ZBTB2: variants seen among roughly 807,000 people sequenced by gnomAD.
ZBTB2 encodes the protein zinc finger and BTB domain containing 2, also known as zinc finger and BTB domain-containing protein 2.
A neutral mutation model predicts 39.5 loss-of-function variants in ZBTB2; 2 were observed. The observed-to-expected ratio is 0.05, with a 90% CI of 0.02 to 0.16. The LOEUF (loss-of-function observed/expected upper bound fraction) is 0.16, where lower values mean the gene tolerates loss of function less well. ZBTB2 is among the 10% of genes least tolerant of loss of function. The pLI, the probability that ZBTB2 is intolerant of heterozygous loss-of-function variation, is 1.00. For synonymous variants in ZBTB2, 251 were observed against 256.6 expected (o/e 0.98, Z 0.21); for missense variants, 391 against 653.0 (o/e 0.60, Z 4.37).
intron 1 of ZBTB2, among the ~76,000 whole-genome samples, chr6:151,377,721 T>G (rs550778854): frequency 2.6e-5 from 4 of 151,898 alleles, no homozygotes; most frequent in African/African-American, 9.7e-5. Flanking sequence ...TTAGTAGAGA[T>G]GGGGTTTCAC....
chr6:151,366,929 C>A lies in ZBTB2; in HGVS notation c.174-37G>T. 6.4e-7 allele frequency: 1 copy of A among 1,562,794 alleles called. No homozygotes were observed. The highest frequency in any genetic ancestry group is 1.2e-5 in the South Asian group (1 of 82,978). ...AAGTAAAAAAATACGTGAGTAAATG[C>A]CAGTCTAGGTGTTAACATAAAGCCT... On this transcript the variant is annotated intron_variant, in intron 2 of 2. Coordinates refer to ENST00000325144, the MANE Select transcript of ZBTB2 (RefSeq NM_020861.3). This position sits in a 1 kb window ranked among gnomAD's most constrained non-coding sequence, Gnocchi z 7.1.
intron 1 of ZBTB2, among the ~76,000 whole-genome samples, chr6:151,376,397 A>C (rs1160939171): frequency 6.6e-6 from 1 of 152,214 alleles, no homozygotes; most frequent in Admixed American, 6.5e-5. Context: ...GAGGATGAAA[A>C]CACAAGCTCA....
intron 1 of ZBTB2, among the ~76,000 whole-genome samples, chr6:151,382,744 C>T (rs151057582): frequency 0.014 from 2,081 of 148,874 alleles, 45 homozygotes; most frequent in African/African-American, 0.048. Context: ...TTAGTAGAGA[C>T]GGGATTTTAC....
At chr6:151,379,637 G>GAAA (rs61085296) in intron 1 of ZBTB2, among the ~76,000 whole-genome samples, 7 of 65,898 alleles carry the variant, frequency 1.1e-4, no homozygotes, top group African/African-American at 2.2e-4. Flanking sequence ...GACCCTGTCT[G>GAAA]AAAAAAAAAA....
chr6:151,377,696 T>C (rs1375341894), intron 1 of ZBTB2, among the ~76,000 whole-genome samples: 1 of 151,860 alleles, frequency 6.6e-6, no homozygotes, highest in African/African-American at 2.4e-5. Context: ...CCCACCACCA[T>C]GCCCAGCTTA....
intron 1 of ZBTB2, among the ~76,000 whole-genome samples, chr6:151,390,299 G>T (rs1379476967): frequency 6.9e-6 from 1 of 144,526 alleles, no homozygotes; most frequent in South Asian, 2.2e-4. Flanking sequence ...CGGGGCCGGG[G>T]GCGCGGCGCC....
At chr6:151,374,952 A>AC (rs1778874193) in intron 1 of ZBTB2, among the ~76,000 whole-genome samples, 4 of 150,106 alleles carry the variant, frequency 2.7e-5, no homozygotes, top group South Asian at 2.1e-4. Context: ...AAAAAAAAAA[A>AC]AACAACAAAA....
At chr6:151,377,798 T>C (rs1204801954) in intron 1 of ZBTB2, among the ~76,000 whole-genome samples, 9 of 152,010 alleles carry the variant, frequency 5.9e-5, no homozygotes, top group African/African-American at 1.9e-4. Context: ...CCTCCCAAAG[T>C]GCTGGGATTA....
At chr6:151,390,819 C>A (rs1466514586) in intron 1 of ZBTB2, among the ~76,000 whole-genome samples, 3 of 150,048 alleles carry the variant, frequency 2.0e-5, no homozygotes, top group Non-Finnish European at 4.5e-5. Flanking sequence ...GGCCTTGCCG[C>A]CGAAGCAGCA....
Position 151,365,444 on chromosome 6 carries a change from C to G in ZBTB2, c.*77G>C, listed in dbSNP as rs894281054. 13 of 1,496,394 alleles carry G rather than the reference C, an allele frequency of 8.7e-6. No individual in the cohort carries two copies. Among genetic ancestry groups the G allele is most frequent in the Non-Finnish European group, 1.1e-5 (12 of 1,112,134 alleles). The allele number at this position is 1,496,394 out of a possible 1,614,324, so 92.7% of individuals were successfully genotyped here. On this transcript the variant is annotated 3_prime_UTR_variant, in exon 3 of 3. Transcript: ENST00000325144. The surrounding 1 kb of genome is among the most constrained non-coding windows in gnomAD (Gnocchi z 5.6). Reference sequence around the variant, plus strand: ...CCTGTTTGTATCATGCCATGGAGAACTACAGTTCTGAATTCAGGGAAGGGA... The same window carrying G: ...CCTGTTTGTATCATGCCATGGAGAAGTACAGTTCTGAATTCAGGGAAGGGA...
rs977674472 is a variant in ZBTB2 at position 151,391,402 on chromosome 6, G to A, written c.-13+18C>T. The A allele has an allele frequency of 3.9e-5, 6 of 151,906 alleles. No homozygotes were observed. The highest frequency in any genetic ancestry group is 1.5e-4 in the African/African-American group (6 of 41,348). The allele number at this position is 151,906 out of a possible 1,614,324, so 9.4% of individuals were successfully genotyped here. A position where few individuals can be genotyped will look rare whatever the true frequency, so the allele number is the denominator to read the frequency against. On this transcript the variant is annotated intron_variant, in intron 1 of 2. Transcript: ENST00000325144. ...ACGTGGGCACCGGCCCCGGGAGGCG[G>A]AGGCGGTGCGCGCTTACCTGTCGCC...
At chr6:151,380,346 T>G (rs1263480667) in intron 1 of ZBTB2, among the ~76,000 whole-genome samples, 1 of 152,224 alleles carries the variant, frequency 6.6e-6, no homozygotes, top group Admixed American at 6.5e-5. Context: ...GAGAAGGTAC[T>G]ATGGGCTCCA....
intron 1 of ZBTB2, among the ~76,000 whole-genome samples, chr6:151,389,569 C>A (rs1779237473): frequency 6.6e-6 from 1 of 152,188 alleles, no homozygotes; most frequent in Non-Finnish European, 1.5e-5. Flanking sequence ...CAGAGACCCC[C>A]TGGAGTTCTG....
At chr6:151,384,894 A>G (rs888492871) in intron 1 of ZBTB2, among the ~76,000 whole-genome samples, 2 of 152,214 alleles carry the variant, frequency 1.3e-5, no homozygotes, top group African/African-American at 4.8e-5. Context: ...CTGGGCATAC[A>G]GTTCATGTTG....
At chr6:151,369,691 G>C (rs1435826499) in intron 2 of ZBTB2, among the ~76,000 whole-genome samples, 2 of 152,084 alleles carry the variant, frequency 1.3e-5, no homozygotes, top group African/African-American at 4.8e-5. Context: ...AACAGGTGGA[G>C]GCTGGGCGCA....
At chr6:151,383,384 G>A (rs1355664263) in intron 1 of ZBTB2, among the ~76,000 whole-genome samples, 3 of 152,158 alleles carry the variant, frequency 2.0e-5, no homozygotes, top group Admixed American at 6.5e-5. Context: ...TGAGCTCTAC[G>A]AATGGATCAT....
chr6:151,380,654 T>C (rs141579147), intron 1 of ZBTB2, among the ~76,000 whole-genome samples: 1 of 152,282 alleles, frequency 6.6e-6, no homozygotes, highest in East Asian at 1.9e-4. Context: ...TGGCGGCATT[T>C]TGTACTCTTC....
chr6:151,377,904 A>G (rs1778952941), intron 1 of ZBTB2: 4 of 147,904 alleles, frequency 2.7e-5, no homozygotes, highest in African/African-American at 1.1e-4. Flanking sequence ...GCTAAACTTC[A>G]GAGTTAAGAA....
chr6:151,365,525 T>A lies in ZBTB2; in HGVS notation c.1541A>T (p.Asp514Val), dbSNP rs1420799742. The A allele has an allele frequency of 1.2e-6, 2 of 1,601,212 alleles. No individual in the cohort carries two copies. The highest frequency in any genetic ancestry group is 1.7e-6 in the Non-Finnish European group (2 of 1,174,502). The stretch of plus-strand genomic sequence containing the variant: ...TTTTAAAAAGATAAGTGACATTCAG[T>A]CTAGTAAGACGGTTTCTTGTTCCTT... Reference protein sequence around the residue: ...IKKEQETVLLD With the variant: ...IKKEQETVLLV Residue 514 changes from aspartate to valine, a missense_variant, in exon 3 of 3, where the codon GAC becomes GTC. Asp to Val is a radical substitution (Grantham distance 152). This residue lies in a region of ZBTB2 where 49 missense variants were observed against 55.6 expected (regional missense o/e 0.88). Coordinates refer to ENST00000325144, the MANE Select transcript of ZBTB2 (RefSeq NM_020861.3). The surrounding 1 kb of genome is among the most constrained non-coding windows in gnomAD (Gnocchi z 5.6).
Sources: gnomAD v4.1 joint callset for allele counts (sites outside exome capture counted in the v4.1 genomes callset) on GRCh38, gnomAD v4.1.1 for gene constraint, gnomAD v4.1.1 regional missense constraint, Gnocchi (gnomAD v3.1) non-coding constraint, MANE v1.5 for transcripts, NCBI Gene and HGNC (gene_info 2026-07-23, HGNC 2026-07-21) for gene names.